The following PLCZ1 variants were observed in gnomAD, a reference collection of about 807,000 sequenced individuals.
PLCZ1 encodes 1-phosphatidylinositol 4,5-bisphosphate phosphodiesterase zeta-1.
In PLCZ1, 64 loss-of-function variants were observed where a neutral mutation model predicts 76.8. That is an observed-to-expected ratio of 0.83 (90% CI 0.68 to 1.03). The LOEUF is 1.03. PLCZ1 is among the 50% of genes least tolerant of loss of function. The probability of loss-of-function intolerance (pLI) is 0.00; values close to 1 mark genes in which losing one functional copy is unlikely to be tolerated. For missense variants in PLCZ1, 751 were observed against 713.7 expected (o/e 1.05, Z -0.60); for synonymous variants, 248 against 230.8 (o/e 1.07, Z -0.68).
the PLCZ1 span, among the ~76,000 whole-genome samples, chr12:18,667,120 G>T: frequency 6.6e-6 from 1 of 152,108 alleles, no homozygotes; most frequent in East Asian, 1.9e-4. Context: ...GAAAATAAAG[G>T]CATTTCAGTA....
intron 3 of PLCZ1, among the ~76,000 whole-genome samples, chr12:18,724,282 C>T (rs547713311): frequency 4.0e-5 from 6 of 151,666 alleles, no homozygotes; most frequent in Admixed American, 6.6e-5. Context: ...GGTGAAATGA[C>T]GAAGGAAGAA....
chr12:18,659,606 A>G, the PLCZ1 span, among the ~76,000 whole-genome samples: 1 of 150,450 alleles, frequency 6.6e-6, no homozygotes, highest in African/African-American at 2.4e-5. Context: ...AGAATCACAC[A>G]TTTCATTTAC....
At chr12:18,647,351 G>A in the PLCZ1 span, among the ~76,000 whole-genome samples, 3 of 150,996 alleles carry the variant, frequency 2.0e-5, no homozygotes, top group South Asian at 2.1e-4. Context: ...TGGGTGCTAC[G>A]TTCACTACTT....
At chr12:18,659,835 T>C in the PLCZ1 span, among the ~76,000 whole-genome samples, 1 of 152,066 alleles carries the variant, frequency 6.6e-6, no homozygotes, top group Non-Finnish European at 1.5e-5. Flanking sequence ...AAATTAAGAC[T>C]CTCCCAGATA....
chr12:18,661,838 A>T, the PLCZ1 span, among the ~76,000 whole-genome samples: 1 of 152,160 alleles, frequency 6.6e-6, no homozygotes, highest in African/African-American at 2.4e-5. Flanking sequence ...AAATATTCAC[A>T]ATAGCAAAGA....
the PLCZ1 span, among the ~76,000 whole-genome samples, chr12:18,654,529 A>G: frequency 6.6e-6 from 1 of 152,210 alleles, no homozygotes; most frequent in East Asian, 1.9e-4. Flanking sequence ...ATCAGTATAA[A>G]GGATGAAAAC....
intron 3 of PLCZ1, among the ~76,000 whole-genome samples, chr12:18,730,818 C>T (rs1024492052): frequency 1.3e-5 from 2 of 152,052 alleles, no homozygotes; most frequent in Non-Finnish European, 2.9e-5. Context: ...ATACAGATTT[C>T]AATATATTAC....
At position 18,696,230 on chromosome 12, in the gene PLCZ1, G is replaced by A. The variant is rs1954961274; in HGVS notation, c.1211C>T (p.Thr404Ile). 6.3e-7 allele frequency: 1 copy of A among 1,591,976 alleles called. No homozygotes were observed. Among genetic ancestry groups the A allele is most frequent in the Non-Finnish European group, 8.6e-7 (1 of 1,166,636 alleles). Residue 404 changes from threonine to isoleucine, a missense_variant, in exon 11 of 15, where the codon ACC becomes ATC. Coordinates refer to ENST00000266505, the MANE Select transcript of PLCZ1 (RefSeq NM_033123.4). Reference protein sequence around the residue: ...EFIFHTRKFITRIYPKATRAD... With the variant: ...EFIFHTRKFIIRIYPKATRAD... ...TCTTGTTGCTTTGGGATATATTCTG[G>A]TAATGAACTTCCTGGTGTGAAAAAT...
the PLCZ1 span, among the ~76,000 whole-genome samples, chr12:18,652,030 AGTTT>A: frequency 6.6e-6 from 1 of 152,264 alleles, no homozygotes; most frequent in East Asian, 1.9e-4. Context: ...TTTCTTTGTT[AGTTT>A]GTTAGTTTTA....
chr12:18,672,114 A>G, the PLCZ1 span, among the ~76,000 whole-genome samples: 1 of 152,222 alleles, frequency 6.6e-6, no homozygotes, highest in Admixed American at 6.5e-5. Context: ...AGCAAAGACA[A>G]GTGAATTTAA....
intron 10 of PLCZ1, among the ~76,000 whole-genome samples, chr12:18,699,114 C>T (rs1305161337): frequency 6.6e-6 from 1 of 152,136 alleles, no homozygotes; most frequent in Non-Finnish European, 1.5e-5. Flanking sequence ...GAATTAGAGG[C>T]AGTGAAAGGA....
chr12:18,720,395 G>A (rs905627755), intron 4 of PLCZ1, among the ~76,000 whole-genome samples: 1 of 151,276 alleles, frequency 6.6e-6, no homozygotes, highest in African/African-American at 2.4e-5. Context: ...TGGAATTTCT[G>A]GGTCATTTGT....
chr12:18,663,781 T>C, the PLCZ1 span, among the ~76,000 whole-genome samples: 61,189 of 151,988 alleles, frequency 0.4, 14,514 homozygotes, highest in South Asian at 0.59. Flanking sequence ...GTTGTGCATC[T>C]GAAAACACTA....
At chr12:18,662,653 G>A in the PLCZ1 span, among the ~76,000 whole-genome samples, 42 of 152,082 alleles carry the variant, frequency 2.8e-4, no homozygotes, top group Non-Finnish European at 6.0e-4. Context: ...GTAATTATTG[G>A]TTCATATATC....
At position 18,705,277 on chromosome 12, in the gene PLCZ1, G is replaced by A. The variant is rs1387083052; in HGVS notation, c.753C>T (p.His251=). Residue 251 remains histidine, a synonymous_variant, in exon 7 of 15, where the codon CAC becomes CAT. Transcript: ENST00000266505. ...DYPVVLSLEN[H]CSTAQQEVMA... ...TTACTTCTTGTTGGGCAGTGGAGCA[G>A]TGATTTTCTAAAGAGAGCACCACTG... 1.2e-6 allele frequency: 2 copies of A among 1,613,974 alleles called. No homozygotes were observed. Among genetic ancestry groups the A allele is most frequent in the African/African-American group, 2.7e-5 (2 of 74,914 alleles).
the PLCZ1 span, among the ~76,000 whole-genome samples, chr12:18,666,563 A>C: frequency 6.6e-6 from 1 of 152,170 alleles, no homozygotes; most frequent in Non-Finnish European, 1.5e-5. Context: ...CCCCCAAAAT[A>C]TGTGAAGCAA....
downstream of PLCZ1, among the ~76,000 whole-genome samples, chr12:18,679,646 A>C (rs988624680): frequency 6.6e-6 from 1 of 151,968 alleles, no homozygotes; most frequent in African/African-American, 2.4e-5. Context: ...ATTAAGATTA[A>C]TTTTTATTAA....
chr12:18,653,058 G>A, the PLCZ1 span, among the ~76,000 whole-genome samples: 46 of 151,928 alleles, frequency 3.0e-4, no homozygotes, highest in African/African-American at 7.7e-4. Flanking sequence ...AAGTCTCCTC[G>A]AAACTTCTGC....
intron 3 of PLCZ1, among the ~76,000 whole-genome samples, chr12:18,725,779 T>TTTTG (rs1213282318): frequency 1.3e-5 from 2 of 152,106 alleles, no homozygotes; most frequent in African/African-American, 2.4e-5. Flanking sequence ...CGTTGTTGTT[T>TTTTG]TTTGTTTGTT....
Sources: gnomAD v4.1 joint callset for allele counts (sites outside exome capture counted in the v4.1 genomes callset) on GRCh38, gnomAD v4.1.1 for gene constraint, MANE v1.5 for transcripts, NCBI Gene and HGNC (gene_info 2026-07-23, HGNC 2026-07-21) for gene names.